The following EYA1 variants were observed in gnomAD, a reference collection of about 807,000 sequenced individuals.
The protein encoded by EYA1 is protein phosphatase EYA1.
Under a neutral mutation model 82.0 loss-of-function variants are expected in EYA1, and 16 were observed. The ratio of observed to expected loss-of-function variants is 0.20; its 90% CI spans 0.13 to 0.30. EYA1 has a LOEUF of 0.30. EYA1 is among the 10% of genes least tolerant of loss of function. EYA1 has a pLI of 1.00. For missense variants in EYA1, 633 were observed against 730.7 expected (o/e 0.87, Z 1.54); for synonymous variants, 261 against 264.4 (o/e 0.99, Z 0.12).
In EYA1 at chr8:71,327,659, G is replaced by A. The variant is rs989787460; in HGVS notation, c.203-5391C>T. 2.6e-5 allele frequency among the ~76,000 whole-genome samples: 4 copies of A among 151,960 alleles called. No homozygotes were observed. The South Asian group carries it at 8.3e-4, about 32-fold the overall frequency. On this transcript the variant is annotated intron_variant, in intron 4 of 17. Transcript: ENST00000340726. ...TCTTCCTTTCTTTCACTCTCCCCACGCCAAGATCCCTGAGGGCTTCCCTGG... is the reference window on the plus strand; with the variant it reads ...TCTTCCTTTCTTTCACTCTCCCCACACCAAGATCCCTGAGGGCTTCCCTGG...
intron 2 of EYA1, among the ~76,000 whole-genome samples, chr8:71,496,035 A>T (rs1319334955): frequency 1.3e-5 from 2 of 152,258 alleles, no homozygotes; most frequent in East Asian, 3.8e-4. Flanking sequence ...ACCCAAAACA[A>T]GTATTAAAAA....
In EYA1 at chr8:71,271,901, C is replaced by A; in HGVS notation, c.827-4G>T. The A allele has an allele frequency of 6.2e-7, 1 of 1,614,144 alleles. No individual in the cohort carries two copies. Among genetic ancestry groups the A allele is most frequent in the South Asian group, 1.1e-5 (1 of 91,084 alleles). On this transcript the variant is annotated splice_polypyrimidine_tract_variant and splice_region_variant and intron_variant, in intron 9 of 17. Coordinates refer to ENST00000340726, the MANE Select transcript of EYA1 (RefSeq NM_000503.6). ...GGGCTGTGGATTGTGCTGTACTCTG[C>A]AGGAATATAGGAAGGACTTTCATCT...
chr8:71,241,755 C>T lies in EYA1; in HGVS notation c.1140+2848G>A, dbSNP rs150218575. 6.2e-3 allele frequency among the ~76,000 whole-genome samples: 949 copies of T among 152,148 alleles called. 10 individuals carry two copies. The highest frequency in any genetic ancestry group is 0.022 in the African/African-American group (900 of 41,520). On this transcript the variant is annotated intron_variant, in intron 12 of 17. Coordinates refer to ENST00000340726, the MANE Select transcript of EYA1 (RefSeq NM_000503.6). The stretch of plus-strand genomic sequence containing the variant: ...TGGAGTGTGAAATCAGGCATTACCA[C>T]ATCACTTCTCCCTGATGAGATAATT...
intron 2 of EYA1, among the ~76,000 whole-genome samples, chr8:71,467,543 A>G (rs1296370014): frequency 6.6e-6 from 1 of 152,180 alleles, no homozygotes; most frequent in Non-Finnish European, 1.5e-5. Flanking sequence ...TTGGAATCAA[A>G]TGATTTTTCA....
Position 71,399,176 on chromosome 8 carries a change from T to A in EYA1, c.34-42665A>T, listed in dbSNP as rs766497072. On this transcript the variant is annotated intron_variant, in intron 2 of 18. Transcript: ENST00000643681. The stretch of plus-strand genomic sequence containing the variant: ...GTATTAGGGTGGGAGTGTCCTGATT[T>A]TCCCGGTACCGTCTGTCACGGCTTC... Among the ~76,000 whole-genome samples the A allele has an allele frequency of 1.1e-3, 175 of 152,268 alleles. 1 individual carries two copies. Among genetic ancestry groups the A allele is most frequent in the Non-Finnish European group, 1.9e-3 (127 of 68,018 alleles).
chr8:71,277,535 T>G (rs927055107), intron 9 of EYA1, among the ~76,000 whole-genome samples: 3 of 152,224 alleles, frequency 2.0e-5, no homozygotes, highest in Admixed American at 1.3e-4. Flanking sequence ...CAAGAATCTT[T>G]GTGAATTCTC....
intron 17 of EYA1, 134 bp downstream of exon 17, chr8:71,211,022 C>A: frequency 1.4e-6 from 1 of 720,348 alleles, no homozygotes; most frequent in East Asian, 2.6e-5. Flanking sequence ...CTACTTTACC[C>A]TGTTCAGTGC....
intron 9 of EYA1, among the ~76,000 whole-genome samples, chr8:71,285,356 C>G (rs80221041): frequency 0.031 from 4,759 of 151,686 alleles, 246 homozygotes; most frequent in African/African-American, 0.11. Flanking sequence ...AGGAGAGACT[C>G]CAAGCAAATC....
At chr8:71,458,905 C>T (rs1219295873) in intron 2 of EYA1, among the ~76,000 whole-genome samples, 1 of 152,006 alleles carries the variant, frequency 6.6e-6, no homozygotes, top group Non-Finnish European at 1.5e-5. Context: ...GTAGGATTTT[C>T]CTGGATGGAA....
chr8:71,502,272 A>G (rs1221829677), intron 2 of EYA1, among the ~76,000 whole-genome samples: 1 of 152,196 alleles, frequency 6.6e-6, no homozygotes, highest in East Asian at 1.9e-4. Context: ...CTATCTGTAT[A>G]TATTTTATTT....
At chr8:71,498,249 A>G (rs1586834763) in intron 2 of EYA1, among the ~76,000 whole-genome samples, 1 of 152,328 alleles carries the variant, frequency 6.6e-6, no homozygotes, top group East Asian at 1.9e-4. Context: ...GAATATGTTA[A>G]TTAGCTGGAG....
At chr8:71,207,537 T>A (rs544392737) in intron 17 of EYA1, among the ~76,000 whole-genome samples, 1 of 152,244 alleles carries the variant, frequency 6.6e-6, no homozygotes, top group East Asian at 1.9e-4. Context: ...TGGACTCTTG[T>A]CACGTACAGT....
At chr8:71,362,138 T>G, upstream of EYA1, 1 of 911,024 alleles carries the variant, frequency 1.1e-6, no homozygotes, top group African/African-American at 1.8e-5. Context: ...GGTCTGCCCA[T>G]GGAGCCTCGG....
intron 9 of EYA1, among the ~76,000 whole-genome samples, chr8:71,279,800 G>A (rs1817611317): frequency 6.6e-6 from 1 of 152,182 alleles, no homozygotes; most frequent in African/African-American, 2.4e-5. Flanking sequence ...GATGGGGCAC[G>A]GAGACTAACT....
At chr8:71,346,145 T>TCC (rs1825679270) in intron 3 of EYA1, among the ~76,000 whole-genome samples, 1 of 152,102 alleles carries the variant, frequency 6.6e-6, no homozygotes, top group Admixed American at 6.6e-5. Flanking sequence ...AGGACTCAGG[T>TCC]TAAGCATCAC....
chr8:71,233,331 A>G lies in EYA1; in HGVS notation c.1140+11272T>C, dbSNP rs566030593. On this transcript the variant is annotated intron_variant, in intron 12 of 17. Coordinates refer to ENST00000340726, the MANE Select transcript of EYA1 (RefSeq NM_000503.6). ...TGTAATCCCAGCACTTTGGGAGGCC[A>G]AGGCGGGCAGATCACGAGGTCAGGA... Among the ~76,000 whole-genome samples the G allele has an allele frequency of 2.4e-3, 371 of 152,154 alleles. 1 individual carries two copies. The highest frequency in any genetic ancestry group is 6.8e-3 in the Middle Eastern group (2 of 294).
intron 1 of EYA1, chr8:71,547,458 G>C (rs1462677989): frequency 1.3e-5 from 2 of 152,226 alleles, no homozygotes; most frequent in African/African-American, 4.8e-5. Flanking sequence ...TGCCGGCCAC[G>C]GCTCAAGGCC....
chr8:71,359,726 T>C (rs1220674700), intron 1 of EYA1, among the ~76,000 whole-genome samples: 1 of 152,180 alleles, frequency 6.6e-6, no homozygotes, highest in African/African-American at 2.4e-5. Context: ...AAAATGACTA[T>C]AATTTAAAAC....
At chr8:71,235,961 A>T (rs1268198907) in intron 12 of EYA1, among the ~76,000 whole-genome samples, 1 of 152,188 alleles carries the variant, frequency 6.6e-6, no homozygotes, top group African/African-American at 2.4e-5. Context: ...TAAACTTGAA[A>T]ATATATCGTC....
Sources: allele counts gnomAD v4.1 joint callset (sites outside exome capture counted in the v4.1 genomes callset), GRCh38; gene constraint gnomAD v4.1.1; transcripts MANE v1.5; gene names NCBI Gene and HGNC (gene_info 2026-07-23, HGNC 2026-07-21).